The following SGIP1 variants were observed in gnomAD, a reference collection of about 807,000 sequenced individuals.
SGIP1 encodes SH3GL interacting endocytic adaptor 1, also known as SH3-containing GRB2-like protein 3-interacting protein 1.
A neutral mutation model predicts 107.5 loss-of-function variants in SGIP1; 38 were observed. The observed-to-expected ratio is 0.35, with a 90% CI of 0.27 to 0.46. The LOEUF is 0.46. Among genes scored for constraint, SGIP1 ranks in the 20% least tolerant of loss-of-function variants. SGIP1 has a pLI of 1.00. For missense variants in SGIP1, 929 were observed against 1,019.5 expected, an observed-to-expected ratio of 0.91 and a Z score of 1.21; for synonymous variants, 365 against 366.1, an observed-to-expected ratio of 1.00 and a Z score of 0.03.
intron 3 of SGIP1, 40 bp from the exon 4 acceptor site, chr1:66,635,895 AAGCAGATCT>A: frequency 6.3e-7 from 1 of 1,575,506 alleles, no homozygotes; most frequent in Non-Finnish European, 8.7e-7. Flanking sequence ...CTTGAAGAAC[AAGCAGATCT>A]TTTAACCACT....
Position 66,636,018 on chromosome 1 carries a change from A to C in SGIP1, c.171+3A>C. On this transcript the variant is annotated splice_donor_region_variant and intron_variant, in intron 4 of 24. Coordinates refer to ENST00000371037, the MANE Select transcript of SGIP1 (RefSeq NM_032291.4). ...GTGAAGGAGGAAAAAAAGTTTCGGTAAGGAAACAGATTTTAGTTTAAAATT... is the reference window on the plus strand; with the variant it reads ...GTGAAGGAGGAAAAAAAGTTTCGGTCAGGAAACAGATTTTAGTTTAAAATT... 1 of 1,613,262 alleles carries C rather than the reference A, an allele frequency of 6.2e-7. No homozygotes were observed. The highest frequency in any genetic ancestry group is 8.5e-7 in the Non-Finnish European group (1 of 1,179,562).
At chr1:66,544,306 G>A (rs1482232007) in intron 1 of SGIP1, among the ~76,000 whole-genome samples, 1 of 152,132 alleles carries the variant, frequency 6.6e-6, no homozygotes, top group African/African-American at 2.4e-5. Flanking sequence ...AAATTCCTGT[G>A]AATTGATTGG....
At chr1:66,631,065 A>C (rs2074493513) in intron 2 of SGIP1, among the ~76,000 whole-genome samples, 1 of 131,592 alleles carries the variant, frequency 7.6e-6, no homozygotes, top group Non-Finnish European at 1.7e-5. Context: ...GAAAGAAAGA[A>C]AGAAAGAAAG....
At chr1:66,595,838 A>T (rs567217846) in intron 1 of SGIP1, among the ~76,000 whole-genome samples, 6 of 152,360 alleles carry the variant, frequency 3.9e-5, no homozygotes, top group Non-Finnish European at 7.3e-5. Context: ...TACATACTGT[A>T]TGAGTCCATT....
chr1:66,717,794 T>C (rs2093327867), intron 18 of SGIP1, among the ~76,000 whole-genome samples: 1 of 152,180 alleles, frequency 6.6e-6, no homozygotes, highest in African/African-American at 2.4e-5. Context: ...CAACATTCAC[T>C]TCATACATTT....
At chr1:66,709,406 A>G (rs1413521782) in intron 18 of SGIP1, among the ~76,000 whole-genome samples, 1 of 152,138 alleles carries the variant, frequency 6.6e-6, no homozygotes, top group African/African-American at 2.4e-5. Context: ...AAGTGAATCT[A>G]GATTTGAATT....
At chr1:66,543,112 A>T (rs771172848) in intron 1 of SGIP1, among the ~76,000 whole-genome samples, 11 of 152,160 alleles carry the variant, frequency 7.2e-5, no homozygotes, top group Non-Finnish European at 1.5e-4. Context: ...ACACAGAAGG[A>T]TTTTATCCCA....
chr1:66,690,078 A>G (rs921970460), intron 16 of SGIP1, 112 bp from the exon 17 acceptor site: 2 of 1,244,234 alleles, frequency 1.6e-6, no homozygotes, highest in Admixed American at 2.1e-5. Flanking sequence ...GGTGTCATCT[A>G]TTCTTCAGAT....
intron 7 of SGIP1, among the ~76,000 whole-genome samples, chr1:66,648,692 C>A (rs2149547152): frequency 6.6e-6 from 1 of 152,318 alleles, no homozygotes; most frequent in South Asian, 2.1e-4. Flanking sequence ...TTTGCGCTGG[C>A]ACCTAGGGTT....
intron 7 of SGIP1, 142 bp from the exon 8 acceptor site, chr1:66,660,371 C>T: frequency 1.3e-6 from 1 of 744,210 alleles, no homozygotes; most frequent in Non-Finnish European, 2.4e-6. Flanking sequence ...ATCAGACCCC[C>T]ACAGGAAGCA....
chr1:66,740,211 T>C (rs2094403472), intron 22 of SGIP1, among the ~76,000 whole-genome samples: 2 of 152,354 alleles, frequency 1.3e-5, no homozygotes, highest in South Asian at 4.1e-4. Context: ...ATAGATACAT[T>C]GTGCCTATAT....
intron 1 of SGIP1, among the ~76,000 whole-genome samples, chr1:66,556,358 A>T (rs1571270167): frequency 1.3e-5 from 2 of 152,056 alleles, no homozygotes; most frequent in African/African-American, 4.8e-5. Context: ...TGCCTTCTTT[A>T]AGGAAGCCCT....
intron 18 of SGIP1, among the ~76,000 whole-genome samples, chr1:66,709,669 C>T (rs1404472543): frequency 6.6e-6 from 1 of 152,128 alleles, no homozygotes; most frequent in Non-Finnish European, 1.5e-5. Context: ...ATTGGTGCTA[C>T]TTACCTCAGG....
At chr1:66,705,039 A>C (rs539205831) in intron 18 of SGIP1, among the ~76,000 whole-genome samples, 8 of 152,340 alleles carry the variant, frequency 5.3e-5, no homozygotes, top group South Asian at 2.1e-4. Flanking sequence ...ATTGGCTGAG[A>C]GACATTAACA....
intron 2 of SGIP1, among the ~76,000 whole-genome samples, chr1:66,626,506 T>C (rs918043653): frequency 1.3e-5 from 2 of 152,230 alleles, no homozygotes; most frequent in African/African-American, 4.8e-5. Context: ...AGAGAATTAA[T>C]TGCCCACAGA....
intron 1 of SGIP1, among the ~76,000 whole-genome samples, chr1:66,555,243 T>A (rs548011073): frequency 6.6e-6 from 1 of 152,254 alleles, no homozygotes; most frequent in Admixed American, 6.5e-5. Context: ...GCTCACTTCT[T>A]GCTCACATCT....
chr1:66,715,479 C>T (rs531378), intron 18 of SGIP1, among the ~76,000 whole-genome samples: 25,803 of 146,068 alleles, frequency 0.18, 2,302 homozygotes, highest in East Asian at 0.29. Context: ...GTTGGGGGGG[C>T]GTGGGGGAGG....
chr1:66,574,791 T>C (rs1363897985), intron 1 of SGIP1, among the ~76,000 whole-genome samples: 1 of 152,204 alleles, frequency 6.6e-6, no homozygotes, highest in African/African-American at 2.4e-5. Context: ...TGTAGTCTGT[T>C]GCATGTGTGT....
At chr1:66,541,360 G>A (rs1262162816) in intron 1 of SGIP1, among the ~76,000 whole-genome samples, 1 of 152,256 alleles carries the variant, frequency 6.6e-6, no homozygotes, top group Non-Finnish European at 1.5e-5. Context: ...GCATTCAGAA[G>A]TCTAGCATTC....
Sources: gnomAD v4.1 joint callset for allele counts (sites outside exome capture counted in the v4.1 genomes callset) on GRCh38, gnomAD v4.1.1 for gene constraint, MANE v1.5 for transcripts, NCBI Gene and HGNC (gene_info 2026-07-23, HGNC 2026-07-21) for gene names.